SPATA22: variants seen among roughly 807,000 people sequenced by gnomAD.
The protein encoded by SPATA22 is spermatogenesis associated 22, also known as spermatogenesis-associated protein 22.
In SPATA22, 29 loss-of-function variants were observed where a neutral mutation model predicts 47.8. The observed-to-expected ratio is 0.61, with a 90% CI of 0.45 to 0.83. The LOEUF (loss-of-function observed/expected upper bound fraction) is 0.83. SPATA22 is among the 40% of genes least tolerant of loss of function. The pLI is 0.00. For synonymous variants in SPATA22, 133 were observed against 140.9 expected (o/e 0.94, Z 0.40); for missense variants, 410 against 421.7 (o/e 0.97, Z 0.24).
intron 1 of SPATA22, 80 bp downstream of exon 1, chr17:3,471,602 C>T: frequency 2.0e-6 from 2 of 985,552 alleles, no homozygotes; most frequent in Non-Finnish European, 2.4e-6. Flanking sequence ...AGAGAAGAGG[C>T]TCCAGTCCGA....
chr17:3,471,698 G>GCC lies in SPATA22; in HGVS notation c.-92_-91dup. 1 of 985,444 alleles carries GCC rather than the reference G, an allele frequency of 1.0e-6. No individual in the cohort carries two copies. The highest frequency in any genetic ancestry group is 1.2e-6 in the Non-Finnish European group (1 of 829,992). The allele number at this position is 985,444 out of a possible 1,614,324, so 61.0% of individuals were successfully genotyped here. On this transcript the variant is annotated 5_prime_UTR_variant, in exon 1 of 9. Transcript: ENST00000572969. ...TCAACGCACAGTCTTTCCCTTCTAG[G>GCC]CCCTCCTGCCAACACGACACACAAC...
chr17:3,489,772 T>C (rs2073791574), intron 1 of SPATA22, among the ~76,000 whole-genome samples: 1 of 152,324 alleles, frequency 6.6e-6, no homozygotes, highest in East Asian at 1.9e-4. Flanking sequence ...TAAGTGAACA[T>C]ATAAGTTGGT....
chr17:3,506,369 C>T (rs2074040334), intron 1 of SPATA22, among the ~76,000 whole-genome samples: 1 of 152,140 alleles, frequency 6.6e-6, no homozygotes, highest in Non-Finnish European at 1.5e-5. Context: ...AAAAACAGCA[C>T]TAAAGTTTCC....
chr17:3,449,331 A>G (rs1567594403), intron 5 of SPATA22, among the ~76,000 whole-genome samples, 182 bp from the exon 6 acceptor site: 1 of 152,200 alleles, frequency 6.6e-6, no homozygotes, highest in East Asian at 1.9e-4. Flanking sequence ...CTCTTTCCAG[A>G]TGAGAAGACT....
chr17:3,493,987 C>T (rs1215296946), intron 1 of SPATA22, among the ~76,000 whole-genome samples: 2 of 151,822 alleles, frequency 1.3e-5, no homozygotes, highest in South Asian at 2.1e-4. Context: ...GTTATTGTTG[C>T]TGTTGTTATT....
At chr17:3,481,570 T>C (rs758978929) in intron 1 of SPATA22, 7 of 1,578,674 alleles carry the variant, frequency 4.4e-6, no homozygotes, top group Non-Finnish European at 5.2e-6. Context: ...CAGGCACAGA[T>C]GTTGTTCATC....
At chr17:3,465,064 G>GAACGGGCCATGAT (rs1567602798) in intron 3 of SPATA22, among the ~76,000 whole-genome samples, 23 of 99,070 alleles carry the variant, frequency 2.3e-4, no homozygotes, top group South Asian at 1.1e-3. Flanking sequence ...CCGGGAGGGA[G>GAACGGGCCATGAT]GTGGGGGGTC....
intron 7 of SPATA22, among the ~76,000 whole-genome samples, chr17:3,444,050 G>A (rs1221146627): frequency 6.6e-6 from 1 of 151,882 alleles, no homozygotes; most frequent in Non-Finnish European, 1.5e-5. Context: ...TGAGTAAATT[G>A]TTTAACCACT....
intron 1 of SPATA22, among the ~76,000 whole-genome samples, chr17:3,487,073 C>CGTGTGT (rs59690349): frequency 8.6e-5 from 13 of 150,800 alleles, no homozygotes; most frequent in East Asian, 2.0e-4. Flanking sequence ...TGTGTGTGTG[C>CGTGTGT]GTGTGTGTGT....
intron 2 of SPATA22, chr17:3,468,727 A>C (rs2073363957): frequency 5.7e-6 from 1 of 175,770 alleles, no homozygotes; most frequent in African/African-American, 2.4e-5. Context: ...TCTGAACAAC[A>C]GAAATGATTA....
chr17:3,498,263 A>G (rs2150763350), intron 1 of SPATA22, among the ~76,000 whole-genome samples: 3 of 152,336 alleles, frequency 2.0e-5, no homozygotes, highest in Middle Eastern at 6.8e-3. Context: ...CTATGCACTT[A>G]GGTAGACATG....
rs999563868 is a variant in SPATA22 at position 3,481,669 on chromosome 17, T to A, written c.-73-12271A>T. On this transcript the variant is annotated intron_variant, in intron 1 of 8. Coordinates refer to the SPATA22 transcript ENST00000541913. ...CTCAAGAAATAAATCATTTATTTGGTCCAAAAGACAGTGAAGATTCCTATG... is the reference window on the plus strand; with the variant it reads ...CTCAAGAAATAAATCATTTATTTGGACCAAAAGACAGTGAAGATTCCTATG... 4 of 1,613,798 alleles carry A rather than the reference T, an allele frequency of 2.5e-6. No homozygotes were observed. The African/African-American group carries it at 5.3e-5, about 22-fold the overall frequency.
intron 1 of SPATA22, chr17:3,481,543 AT>A (rs2150746586): frequency 1.4e-6 from 2 of 1,470,782 alleles, no homozygotes; most frequent in South Asian, 2.4e-5. Flanking sequence ...TGTTCTTATT[AT>A]ATGTTTATAT....
chr17:3,456,541 T>C (rs542271416), intron 5 of SPATA22, among the ~76,000 whole-genome samples: 4 of 152,048 alleles, frequency 2.6e-5, no homozygotes, highest in African/African-American at 7.2e-5. Context: ...GGAGCTGAAA[T>C]TGAGGCAATA....
At chr17:3,470,008 G>A (rs1029484946) in intron 1 of SPATA22, among the ~76,000 whole-genome samples, 6 of 146,368 alleles carry the variant, frequency 4.1e-5, no homozygotes, top group South Asian at 2.2e-4. Flanking sequence ...CAGGAGAATC[G>A]CTTGAGCCCG....
In SPATA22 at chr17:3,446,601, C is replaced by T. The variant is rs2072732399; in HGVS notation, c.673G>A (p.Glu225Lys). ...DDIPEDNTLK[E>K]TSLYQLQFKE... ...AACTGTAACTGATACAATGAGGTTT[C>T]CTTTTGAAAAAATAAGAAACATAGT... is the stretch of plus-strand genomic sequence containing the variant. Residue 225 changes from glutamate (E) to lysine (K), a missense_variant and splice_region_variant, in exon 7 of 9, where the codon GAA (glutamate) becomes AAA (lysine). By Grantham distance (56) the Glu-to-Lys change is moderately conservative. Transcript: ENST00000572969. 1 of 1,533,332 alleles carries T rather than the reference C, an allele frequency of 6.5e-7. No homozygotes were observed. The highest frequency in any genetic ancestry group is 1.8e-4 in the Middle Eastern group (1 of 5,608). 95.0% of individuals were successfully genotyped at this position (1,533,332 alleles called of 1,614,324 possible).
rs759106494 is a variant in SPATA22, at chr17:3,498,953, G to A, written c.-74+14459C>T. 5.0e-5 allele frequency: 80 copies of A among 1,612,982 alleles called. No individual in the cohort carries two copies. The highest frequency in any genetic ancestry group is 6.1e-5 in the Non-Finnish European group (72 of 1,179,424). Reference sequence around the variant, plus strand: ...TGTTTTTAACTCTTGATGGGAAGACGATCCCACTGGGCGGAGACTGTACCG... The same window carrying A: ...TGTTTTTAACTCTTGATGGGAAGACAATCCCACTGGGCGGAGACTGTACCG... On this transcript the variant is annotated intron_variant, in intron 1 of 8. Coordinates refer to the SPATA22 transcript ENST00000541913.
At chr17:3,489,572 A>G (rs1182751938) in intron 1 of SPATA22, among the ~76,000 whole-genome samples, 4 of 152,210 alleles carry the variant, frequency 2.6e-5, no homozygotes, top group African/African-American at 9.7e-5. Flanking sequence ...TAAAAAGAAA[A>G]GACGAGAAAA....
rs551109817 is a variant in SPATA22, at chr17:3,488,684, T to C, written c.-73-19286A>G. Among the ~76,000 whole-genome samples, 6 of 152,022 alleles carry C rather than the reference T, an allele frequency of 3.9e-5. No individual in the cohort carries two copies. The highest frequency in any genetic ancestry group is 1.2e-4 in the African/African-American group (5 of 41,480). On this transcript the variant is annotated intron_variant, in intron 1 of 8. Transcript: ENST00000541913. The surrounding 1 kb of genome is among the most constrained non-coding windows in gnomAD (Gnocchi z 6.1). ...AAAAATAAATAAATAAATAAAACCA[T>C]TGCACTATTGTGTTAGGATGGATTG...
Sources: allele counts gnomAD v4.1 joint callset (sites outside exome capture counted in the v4.1 genomes callset), GRCh38; gene constraint gnomAD v4.1.1; non-coding constraint Gnocchi (gnomAD v3.1); transcripts MANE v1.5; gene names NCBI Gene and HGNC (gene_info 2026-07-23, HGNC 2026-07-21).